The following ERCC6L2 variants were observed in gnomAD, a reference collection of about 807,000 sequenced individuals.
The protein encoded by ERCC6L2 is ERCC excision repair 6 like 2.
In ERCC6L2, 77 loss-of-function variants were observed where a neutral mutation model predicts 132.0. That is an observed-to-expected ratio of 0.58 (90% CI 0.49 to 0.71). The LOEUF (loss-of-function observed/expected upper bound fraction) is 0.71, where lower values mean the gene tolerates loss of function less well. ERCC6L2 is among the 30% of genes least tolerant of loss of function. The probability of loss-of-function intolerance (pLI) is 0.00; values close to 1 mark genes in which losing one functional copy is unlikely to be tolerated. For synonymous variants in ERCC6L2, 583 were observed against 632.4 expected (o/e 0.92, Z 1.17); for missense variants, 1,542 against 1,837.6 (o/e 0.84, Z 2.94).
At chr9:95,936,670 A>G (rs1367419114) in intron 11 of ERCC6L2, among the ~76,000 whole-genome samples, 1 of 152,194 alleles carries the variant, frequency 6.6e-6, no homozygotes, top group East Asian at 1.9e-4. Flanking sequence ...GTAAAACTGT[A>G]GTACATTATC....
chr9:96,036,296 T>A (rs530509602), intron 19 of ERCC6L2, among the ~76,000 whole-genome samples: 1 of 152,350 alleles, frequency 6.6e-6, no homozygotes, highest in South Asian at 2.1e-4. Context: ...TACACAGAAT[T>A]TGTCCCTTTG....
intron 2 of ERCC6L2, among the ~76,000 whole-genome samples, chr9:95,888,208 C>T (rs1827978467): frequency 6.6e-6 from 1 of 151,808 alleles, no homozygotes; most frequent in East Asian, 1.9e-4. Context: ...AAGAAATAGA[C>T]AATTTTTGCT....
chr9:95,877,796 T>C (rs1484930021), intron 1 of ERCC6L2, among the ~76,000 whole-genome samples: 1 of 149,876 alleles, frequency 6.7e-6, no homozygotes, highest in African/African-American at 2.5e-5. Flanking sequence ...ACAGAGACAC[T>C]CTTGTCTAAA....
Position 95,875,775 on chromosome 9 carries a change from C to A in ERCC6L2, c.-264C>A. On this transcript the variant is annotated 5_prime_UTR_variant, in exon 1 of 19. Coordinates refer to ENST00000653738, the MANE Select transcript of ERCC6L2 (RefSeq NM_020207.7). ...GGAGCCCGAGAGAACTAGGTGAACA[C>A]CGCTTTGCCAGCCTCACACAGCGTC... 1.8e-6 allele frequency: 1 copy of A among 546,390 alleles called. No individual in the cohort carries two copies. The highest frequency in any genetic ancestry group is 3.2e-5 in the Admixed American group (1 of 31,652). The allele number at this position is 546,390 out of a possible 1,614,324, so 33.8% of individuals were successfully genotyped here.
chr9:95,963,925 G>A (rs1308013208), intron 13 of ERCC6L2, among the ~76,000 whole-genome samples: 2 of 152,058 alleles, frequency 1.3e-5, no homozygotes, highest in African/African-American at 2.4e-5. Context: ...TACTGCTCAC[G>A]TTAACCTTGA....
Position 95,875,848 on chromosome 9 carries a change from G to A in ERCC6L2, c.-191G>A, listed in dbSNP as rs1827220161. 1.7e-6 allele frequency: 1 copy of A among 600,680 alleles called. No individual in the cohort carries two copies. The highest frequency in any genetic ancestry group is 2.0e-5 in the South Asian group (1 of 51,140). The allele number at this position is 600,680 out of a possible 1,614,324, so 37.2% of individuals were successfully genotyped here. ...GACGTCGCCCTCCCGTTCTGCTTGG[G>A]TCCCCTTAGTCGCTACCTTTGCTGG... On this transcript the variant is annotated 5_prime_UTR_variant, in exon 1 of 19. Coordinates refer to ENST00000653738, the MANE Select transcript of ERCC6L2 (RefSeq NM_020207.7).
chr9:95,981,058 T>C (rs1223133979), intron 17 of ERCC6L2, among the ~76,000 whole-genome samples: 1 of 152,146 alleles, frequency 6.6e-6, no homozygotes. Flanking sequence ...AGAAAATAAA[T>C]CCTATTTGTT....
intron 17 of ERCC6L2, among the ~76,000 whole-genome samples, chr9:95,991,752 C>T (rs962102871): frequency 1.2e-4 from 19 of 152,020 alleles, no homozygotes; most frequent in Admixed American, 6.6e-4. Flanking sequence ...TAAATGTGTC[C>T]GTGTTTTGAA....
At chr9:95,942,281 A>G (rs553504545) in intron 12 of ERCC6L2, among the ~76,000 whole-genome samples, 131 of 152,250 alleles carry the variant, frequency 8.6e-4, no homozygotes, top group Non-Finnish European at 1.6e-3. Flanking sequence ...CCAGTGATGC[A>G]CCTAGTCGTC....
intron 16 of ERCC6L2, among the ~76,000 whole-genome samples, chr9:95,977,573 C>T (rs1832722749): frequency 6.6e-6 from 1 of 151,952 alleles, no homozygotes; most frequent in South Asian, 2.1e-4. Context: ...ATTCTCTGGG[C>T]ATATGTACAA....
At position 95,875,981 on chromosome 9, in the gene ERCC6L2, TC is replaced by T. The variant is rs1163606586; in HGVS notation, c.-56del. ...GGCCTGCCGGCCAGCCACCTTGCTG[TC>T]CTCCGCCGCCTTCCGGGTGTTACAT... On this transcript the variant is annotated 5_prime_UTR_variant, in exon 1 of 19. Coordinates refer to ENST00000653738, the MANE Select transcript of ERCC6L2 (RefSeq NM_020207.7). 7 of 1,547,296 alleles carry T rather than the reference TC, an allele frequency of 4.5e-6. No individual in the cohort carries two copies. In the South Asian group the frequency reaches 8.3e-5, roughly 18 times the overall value.
At chr9:95,912,537 T>G (rs780287427) in intron 4 of ERCC6L2, among the ~76,000 whole-genome samples, 28 of 152,190 alleles carry the variant, frequency 1.8e-4, no homozygotes, top group Non-Finnish European at 3.1e-4. Flanking sequence ...TCCCTAAGTA[T>G]TTTAGCATGG....
At chr9:96,029,324 C>CAAAA (rs955836656) in intron 19 of ERCC6L2, among the ~76,000 whole-genome samples, 1 of 104,710 alleles carries the variant, frequency 9.6e-6, no homozygotes, top group African/African-American at 3.5e-5. Flanking sequence ...AAAAAAAAAA[C>CAAAA]AAAAAAAAAA....
intron 9 of ERCC6L2, among the ~76,000 whole-genome samples, chr9:95,924,309 A>G (rs1018303993): frequency 2.0e-5 from 3 of 152,114 alleles, no homozygotes; most frequent in Non-Finnish European, 4.4e-5. Flanking sequence ...GTAGGAATAT[A>G]CATACATACA....
At chr9:95,892,139 A>T in intron 2 of ERCC6L2, among the ~76,000 whole-genome samples, 1 of 152,076 alleles carries the variant, frequency 6.6e-6, no homozygotes, top group African/African-American at 2.4e-5. Flanking sequence ...TCTATATGTT[A>T]TTCTACTCCT....
At chr9:95,909,273 C>T (rs1829227364) in intron 4 of ERCC6L2, among the ~76,000 whole-genome samples, 2 of 151,918 alleles carry the variant, frequency 1.3e-5, no homozygotes, top group Non-Finnish European at 2.9e-5. Context: ...ATTTTTATGA[C>T]CCTTTAAAAT....
rs1160538554 is a variant in ERCC6L2 at position 96,015,044 on chromosome 9, A to G, written c.*1841A>G. Among the ~76,000 whole-genome samples the G allele has an allele frequency of 1.2e-4, 3 of 25,206 alleles. No homozygotes were observed. Among genetic ancestry groups the G allele is most frequent in the African/African-American group, 4.2e-4 (2 of 4,802 alleles). The allele number at this position is 25,206 out of a possible 152,430, so 16.5% of individuals were successfully genotyped here. On this transcript the variant is annotated 3_prime_UTR_variant, in exon 19 of 19. Transcript: ENST00000653738. ...TTTTTTTTTTTTTTTTTTTTTTGAG[A>G]TTGAGTCTCACTCTGTCACCCAGGC...
rs1472965383 is a variant in ERCC6L2, at chr9:95,972,181, T to C, written c.2430T>C (p.Asp810=). 1 of 1,304,254 alleles carries C rather than the reference T, an allele frequency of 7.7e-7. No homozygotes were observed. Among genetic ancestry groups the C allele is most frequent in the African/African-American group, 1.5e-5 (1 of 65,988 alleles). The allele number at this position is 1,304,254 out of a possible 1,614,324, so 80.8% of individuals were successfully genotyped here. Residue 810 remains aspartate, a synonymous_variant, in exon 16 of 19, where the codon GAT becomes GAC. Transcript: ENST00000653738. ...AATGTAAAGCAGTTGAGGATAGTGA[T>C]GGAAATACTGCCTCTGATGATGAAA... is the stretch of plus-strand genomic sequence containing the variant. ...ETKCKAVEDS[D]GNTASDDESS...
At chr9:95,904,367 GA>G (rs1231622875) in intron 3 of ERCC6L2, among the ~76,000 whole-genome samples, 1 of 152,010 alleles carries the variant, frequency 6.6e-6, no homozygotes, top group Non-Finnish European at 1.5e-5. Context: ...TTCATCAATT[GA>G]ATACCTTCTA....
Sources: gnomAD v4.1 joint callset for allele counts (sites outside exome capture counted in the v4.1 genomes callset) on GRCh38, gnomAD v4.1.1 for gene constraint, MANE v1.5 for transcripts, NCBI Gene and HGNC (gene_info 2026-07-23, HGNC 2026-07-21) for gene names.